The following PDE7A variants were observed in gnomAD, a reference collection of about 807,000 sequenced individuals.
PDE7A encodes the protein high affinity 3',5'-cyclic-AMP phosphodiesterase 7A.
PDE7A carries 39 observed loss-of-function variants against 64.3 expected under a neutral mutation model. The ratio of observed to expected loss-of-function variants is 0.61; its 90% CI spans 0.47 to 0.79. PDE7A has a LOEUF of 0.79. Among genes scored for constraint, PDE7A ranks in the 30% least tolerant of loss-of-function variants. The pLI is 0.00. For missense variants in PDE7A, 470 were observed against 582.8 expected, an observed-to-expected ratio of 0.81 and a Z score of 1.99; for synonymous variants, 203 against 206.8, an observed-to-expected ratio of 0.98 and a Z score of 0.16.
At chr8:65,720,930 T>C (rs527315898) in intron 12 of PDE7A, among the ~76,000 whole-genome samples, 33 of 152,348 alleles carry the variant, frequency 2.2e-4, no homozygotes, top group African/African-American at 7.7e-4. Flanking sequence ...CTTATTATTA[T>C]AGGTTTCATA....
chr8:65,756,848 C>A (rs866071807), intron 3 of PDE7A, among the ~76,000 whole-genome samples: 9 of 151,954 alleles, frequency 5.9e-5, no homozygotes, highest in African/African-American at 2.2e-4. Flanking sequence ...CCAAGTTTTA[C>A]ACTGGGGAAG....
Position 65,724,343 on chromosome 8 carries a change from C to G in PDE7A, c.1074G>C (p.Leu358Phe). Residue 358 changes from leucine (L) to phenylalanine (F), a missense_variant, in exon 11 of 13, where the codon TTG becomes TTC. Transcript: ENST00000401827. The stretch of plus-strand genomic sequence containing the variant: ...ATGGGTTACAAATATCAGCACATTT[C>G]AAAGCCATCTAGCAAACAAAACATT... ...RHRHLVLQMA[L>F]KCADICNPCR... 1.1e-5 allele frequency: 17 copies of G among 1,610,510 alleles called. No homozygotes were observed. Among genetic ancestry groups the G allele is most frequent in the Non-Finnish European group, 1.4e-5 (17 of 1,177,206 alleles).
intron 1 of PDE7A, among the ~76,000 whole-genome samples, chr8:65,840,398 GCACA>G (rs746987926): frequency 0.014 from 1,579 of 109,612 alleles, 23 homozygotes; most frequent in East Asian, 0.051. Flanking sequence ...CACACTACCT[GCACA>G]CACACACACA....
intron 3 of PDE7A, among the ~76,000 whole-genome samples, chr8:65,753,348 CCTT>C (rs1371662951): frequency 6.6e-6 from 1 of 152,180 alleles, no homozygotes; most frequent in East Asian, 1.9e-4. Flanking sequence ...ATGGCTCTCT[CCTT>C]CTCTGCCAAA....
chr8:65,773,002 T>C (rs111513969), intron 3 of PDE7A, among the ~76,000 whole-genome samples: 91 of 152,002 alleles, frequency 6.0e-4, no homozygotes, highest in African/African-American at 1.9e-3. Context: ...ATTGAGACTC[T>C]GTCTCAAAAA....
chr8:65,745,315 G>A, intron 5 of PDE7A, 92 bp downstream of exon 5: 1 of 779,362 alleles, frequency 1.3e-6, no homozygotes, highest in South Asian at 1.4e-5. Context: ...AACAACCTTA[G>A]TACAGTAAAT....
chr8:65,773,759 A>G (rs956823373), intron 3 of PDE7A, among the ~76,000 whole-genome samples: 2 of 152,078 alleles, frequency 1.3e-5, no homozygotes, highest in Non-Finnish European at 2.9e-5. Flanking sequence ...TTTTAATTTC[A>G]TTAGAGATAC....
intron 1 of PDE7A, among the ~76,000 whole-genome samples, chr8:65,822,397 A>G (rs1013285129): frequency 2.6e-5 from 4 of 152,200 alleles, no homozygotes; most frequent in Non-Finnish European, 2.9e-5. Context: ...CATTGTGGGA[A>G]GGAGAAAAAG....
intron 1 of PDE7A, among the ~76,000 whole-genome samples, chr8:65,798,722 G>A (rs144386618): frequency 7.9e-5 from 12 of 152,198 alleles, no homozygotes; most frequent in South Asian, 6.2e-4. Flanking sequence ...ACAATATCTC[G>A]TGTTATCAAG....
intron 1 of PDE7A, among the ~76,000 whole-genome samples, chr8:65,783,354 CTG>C (rs1403412508): frequency 6.6e-6 from 1 of 152,180 alleles, no homozygotes; most frequent in African/African-American, 2.4e-5. Context: ...CGAGAGTCAT[CTG>C]TGACCTGCCT....
At position 65,798,716 on chromosome 8, in the gene PDE7A, T is replaced by C. The variant is rs575541910; in HGVS notation, c.139-15873A>G. On this transcript the variant is annotated intron_variant, in intron 1 of 12. Coordinates refer to ENST00000401827, the MANE Select transcript of PDE7A (RefSeq NM_001242318.3). ...AATGGCTAAAATTGAAAACTGACAA[T>C]ATCTCGTGTTATCAAGGATGTGGAG... Among the ~76,000 whole-genome samples, 7 of 152,264 alleles carry C rather than the reference T, an allele frequency of 4.6e-5. 1 individual carries two copies. In the South Asian group the frequency reaches 1.4e-3, roughly 32 times the overall value.
chr8:65,840,302 C>T (rs1348664169), intron 1 of PDE7A, among the ~76,000 whole-genome samples: 1 of 152,016 alleles, frequency 6.6e-6, no homozygotes, highest in African/African-American at 2.4e-5. Context: ...GGCTCTTGCT[C>T]CTTCTACAAA....
chr8:65,747,092 A>G (rs1807706092), intron 4 of PDE7A, among the ~76,000 whole-genome samples: 1 of 152,246 alleles, frequency 6.6e-6, no homozygotes, highest in Non-Finnish European at 1.5e-5. Flanking sequence ...AAGTTTAACT[A>G]TGATACATCT....
intron 9 of PDE7A, among the ~76,000 whole-genome samples, chr8:65,726,440 TTTC>T (rs1259106970): frequency 2.0e-5 from 3 of 152,200 alleles, no homozygotes; most frequent in Non-Finnish European, 1.5e-5. Flanking sequence ...CTCTCTTTAC[TTTC>T]TTGTCAGTTT....
intron 3 of PDE7A, among the ~76,000 whole-genome samples, chr8:65,769,857 T>G (rs1027916883): frequency 6.6e-6 from 1 of 151,960 alleles, no homozygotes; most frequent in Non-Finnish European, 1.5e-5. Flanking sequence ...GATTGTGCCA[T>G]TGCACTCCAG....
intron 1 of PDE7A, among the ~76,000 whole-genome samples, chr8:65,788,403 C>T (rs1205598482): frequency 6.6e-6 from 1 of 152,038 alleles, no homozygotes; most frequent in South Asian, 2.1e-4. Flanking sequence ...AGCTAAGGCA[C>T]GTATTTTAGC....
intron 1 of PDE7A, among the ~76,000 whole-genome samples, chr8:65,786,820 G>A (rs987571916): frequency 1.6e-4 from 24 of 152,202 alleles, no homozygotes; most frequent in Non-Finnish European, 2.6e-4. Context: ...CTTGTAAAGC[G>A]AACTAGTATA....
intron 3 of PDE7A, among the ~76,000 whole-genome samples, chr8:65,753,092 T>C (rs1489932768): frequency 6.6e-6 from 1 of 152,214 alleles, no homozygotes; most frequent in Non-Finnish European, 1.5e-5. Flanking sequence ...TGGTAGGAAA[T>C]TTAGTCACAA....
intron 1 of PDE7A, among the ~76,000 whole-genome samples, chr8:65,800,135 C>T (rs1809954309): frequency 6.6e-6 from 1 of 152,028 alleles, no homozygotes; most frequent in Non-Finnish European, 1.5e-5. Context: ...ACATATGTCC[C>T]TGAATTGTCT....
Sources: gnomAD v4.1 joint callset for allele counts (sites outside exome capture counted in the v4.1 genomes callset) on GRCh38, gnomAD v4.1.1 for gene constraint, MANE v1.5 for transcripts, NCBI Gene and HGNC (gene_info 2026-07-23, HGNC 2026-07-21) for gene names.